The following MBOAT1 variants were observed in gnomAD, a reference collection of about 807,000 sequenced individuals.
The protein encoded by MBOAT1 is membrane-bound glycerophospholipid O-acyltransferase 1.
Under a neutral mutation model 64.4 loss-of-function variants are expected in MBOAT1, and 67 were observed. The ratio of observed to expected loss-of-function variants is 1.04; its 90% CI spans 0.85 to 1.27. The LOEUF is 1.27. MBOAT1 is among the 50% of genes most tolerant of loss of function. MBOAT1 has a pLI of 0.00. For synonymous variants in MBOAT1, 229 were observed against 218.9 expected (o/e 1.05, Z -0.41); for missense variants, 563 against 604.6 (o/e 0.93, Z 0.72).
chr6:20,106,454 G>A (rs920203520), intron 12 of MBOAT1, among the ~76,000 whole-genome samples: 4 of 151,486 alleles, frequency 2.6e-5, no homozygotes, highest in African/African-American at 4.9e-5. Flanking sequence ...ATGGAGTCTC[G>A]CTCTGTCACT....
At chr6:20,152,314 G>T (rs888322589) in intron 2 of MBOAT1, among the ~76,000 whole-genome samples, 1 of 147,530 alleles carries the variant, frequency 6.8e-6, no homozygotes, top group African/African-American at 2.5e-5. Context: ...GCGACAGAGC[G>T]AGACTCCGTC....
chr6:20,177,131 G>A (rs1231704867), intron 1 of MBOAT1, among the ~76,000 whole-genome samples: 1 of 152,106 alleles, frequency 6.6e-6, no homozygotes, highest in Non-Finnish European at 1.5e-5. Context: ...GACCTCCCAG[G>A]GTGGTGTTTC....
intron 1 of MBOAT1, among the ~76,000 whole-genome samples, chr6:20,205,850 CTCAGAG>C (rs796904148): frequency 7.2e-5 from 11 of 152,302 alleles, no homozygotes; most frequent in Admixed American, 2.0e-4. Flanking sequence ...GACTGCAAAG[CTCAGAG>C]TCAGTCACTG....
intron 12 of MBOAT1, among the ~76,000 whole-genome samples, chr6:20,108,108 T>C (rs1161975433): frequency 1.3e-5 from 2 of 152,206 alleles, no homozygotes; most frequent in African/African-American, 4.8e-5. Context: ...AGGGGGCTCC[T>C]GTTTGAGGTG....
chr6:20,189,966 T>G (rs1484474047), intron 1 of MBOAT1, among the ~76,000 whole-genome samples: 1 of 152,116 alleles, frequency 6.6e-6, no homozygotes, highest in East Asian at 1.9e-4. Flanking sequence ...CTGGCTATTG[T>G]GAAAGCTCTA....
intron 8 of MBOAT1, 103 bp downstream of exon 8, chr6:20,124,305 G>A: frequency 1.7e-6 from 2 of 1,190,576 alleles, no homozygotes; most frequent in Non-Finnish European, 2.4e-6. Context: ...CCCATTACGT[G>A]TTGAGCTTCT....
At chr6:20,176,847 C>T (rs1157876759) in intron 1 of MBOAT1, among the ~76,000 whole-genome samples, 1 of 152,158 alleles carries the variant, frequency 6.6e-6, no homozygotes, top group Non-Finnish European at 1.5e-5. Context: ...TGGTCTCGGA[C>T]TCCTGACCTC....
chr6:20,198,616 CCA>C (rs1386058662), intron 1 of MBOAT1, among the ~76,000 whole-genome samples: 13 of 152,172 alleles, frequency 8.5e-5, no homozygotes, highest in African/African-American at 3.1e-4. Context: ...GTTCTTGTGA[CCA>C]TTTTTCTTGC....
At chr6:20,110,202 C>A (rs2113629346) in intron 11 of MBOAT1, among the ~76,000 whole-genome samples, 1 of 144,272 alleles carries the variant, frequency 6.9e-6, no homozygotes, top group African/African-American at 2.5e-5. Context: ...AGCCACCGCG[C>A]CCGGCCCAGG....
chr6:20,170,736 G>C (rs982554008), intron 1 of MBOAT1, among the ~76,000 whole-genome samples: 1 of 152,200 alleles, frequency 6.6e-6, no homozygotes, highest in African/African-American at 2.4e-5. Flanking sequence ...CTGCAGTGCT[G>C]TGGGAACACG....
chr6:20,135,531 T>C (rs896090205), intron 4 of MBOAT1, among the ~76,000 whole-genome samples: 1 of 152,166 alleles, frequency 6.6e-6, no homozygotes, highest in African/African-American at 2.4e-5. Flanking sequence ...CAATAAAACC[T>C]ACCTATTTTA....
chr6:20,209,715 G>A (rs145075613), intron 1 of MBOAT1, among the ~76,000 whole-genome samples: 14 of 152,236 alleles, frequency 9.2e-5, no homozygotes, highest in African/African-American at 2.9e-4. Flanking sequence ...CTCTCTAATG[G>A]GACAGGAGCA....
At chr6:20,134,504 C>G (rs969577663) in intron 4 of MBOAT1, among the ~76,000 whole-genome samples, 8 of 151,960 alleles carry the variant, frequency 5.3e-5, no homozygotes, top group African/African-American at 1.9e-4. Flanking sequence ...ATTTAACAAT[C>G]TAAATAAAAA....
At chr6:20,189,697 A>G (rs1013783049) in intron 1 of MBOAT1, among the ~76,000 whole-genome samples, 1 of 152,018 alleles carries the variant, frequency 6.6e-6, no homozygotes, top group African/African-American at 2.4e-5. Context: ...CACCTTCCCA[A>G]CCCTAGCTCC....
intron 3 of MBOAT1, among the ~76,000 whole-genome samples, chr6:20,148,929 C>T (rs563519080): frequency 3.3e-5 from 5 of 151,862 alleles, no homozygotes; most frequent in African/African-American, 9.7e-5. Context: ...AGTGAAACCC[C>T]GTCTCGACTA....
chr6:20,150,860 G>A (rs569439313), intron 3 of MBOAT1, among the ~76,000 whole-genome samples: 1 of 152,128 alleles, frequency 6.6e-6, no homozygotes, highest in African/African-American at 2.4e-5. Flanking sequence ...GGGATTACAG[G>A]TGTGAGCCAC....
At chr6:20,121,583 C>T (rs1053482083) in intron 8 of MBOAT1, among the ~76,000 whole-genome samples, 1 of 152,178 alleles carries the variant, frequency 6.6e-6, no homozygotes, top group Non-Finnish European at 1.5e-5. Flanking sequence ...GCTCTGTGTT[C>T]CCATGGCACT....
intron 8 of MBOAT1, among the ~76,000 whole-genome samples, chr6:20,123,906 A>C (rs970272679): frequency 6.6e-6 from 1 of 152,136 alleles, no homozygotes; most frequent in African/African-American, 2.4e-5. Flanking sequence ...AATACAAAAA[A>C]AATTAGCTGG....
intron 4 of MBOAT1, 114 bp downstream of exon 4, chr6:20,144,106 A>G: frequency 1.4e-6 from 1 of 690,376 alleles, no homozygotes; most frequent in East Asian, 2.5e-5. Flanking sequence ...GTGTCTTACC[A>G]ACTGATTTAA....
Sources: allele counts gnomAD v4.1 joint callset (sites outside exome capture counted in the v4.1 genomes callset), GRCh38; gene constraint gnomAD v4.1.1; transcripts MANE v1.5; gene names NCBI Gene and HGNC (gene_info 2026-07-23, HGNC 2026-07-21).